ABCB1: variants seen among roughly 807,000 people sequenced by gnomAD.
ABCB1 encodes ATP binding cassette subfamily B member 1.
A neutral mutation model predicts 142.0 loss-of-function variants in ABCB1; 69 were observed. The observed-to-expected ratio is 0.49, with a 90% CI of 0.40 to 0.59. The LOEUF (loss-of-function observed/expected upper bound fraction) is 0.59, where lower values mean the gene tolerates loss of function less well. Ranked by LOEUF, ABCB1 falls within the 20% of genes least tolerant of loss-of-function variation. The pLI, the probability that ABCB1 is intolerant of heterozygous loss-of-function variation, is 0.00. For missense variants in ABCB1, 1,326 were observed against 1,554.7 expected, an observed-to-expected ratio of 0.85 and a Z score of 2.47; for synonymous variants, 532 against 539.2, an observed-to-expected ratio of 0.99 and a Z score of 0.18.
intron 3 of ABCB1, among the ~76,000 whole-genome samples, chr7:87,591,796 A>G (rs1819010263): frequency 6.6e-6 from 1 of 152,192 alleles, no homozygotes; most frequent in Non-Finnish European, 1.5e-5. Context: ...AGGAGTTTGC[A>G]TGAGAATAAA....
intron 19 of ABCB1, 148 bp downstream of exon 19, chr7:87,539,120 G>A (rs978662207): frequency 1.0e-4 from 83 of 816,966 alleles, no homozygotes; most frequent in African/African-American, 1.5e-4. Context: ...CCTAGTGGGC[G>A]GTTCAACCGC....
Position 87,509,292 on chromosome 7 carries a change from T to C in ABCB1, c.3472A>G (p.Ile1158Val). 1.2e-6 allele frequency: 2 copies of C among 1,614,202 alleles called. No individual in the cohort carries two copies. Among genetic ancestry groups the C allele is most frequent in the Admixed American group, 1.7e-5 (1 of 60,016 alleles). ...AGACTTACATTAGGCAGTGACTCGA[T>C]GAAGGCATGTATGTTGGCCTCCTTT... The part of the protein sequence containing the change: ...AAKEANIHAF[I>V]ESLPNKYSTK... Residue 1158 changes from isoleucine to valine, a missense_variant, in exon 26 of 28, where the codon ATC becomes GTC. By Grantham distance (29) the Ile-to-Val change is conservative. Transcript: ENST00000622132.
intron 1 of ABCB1, among the ~76,000 whole-genome samples, chr7:87,626,149 T>G (rs549974066): frequency 1.7e-5 from 2 of 118,532 alleles, no homozygotes. Context: ...GTCATATATA[T>G]TGTCATATAT....
At chr7:87,651,874 C>A (rs1823608100) in intron 1 of ABCB1, among the ~76,000 whole-genome samples, 1 of 152,076 alleles carries the variant, frequency 6.6e-6, no homozygotes, top group Non-Finnish European at 1.5e-5. Context: ...TATCCCTCTG[C>A]AATTTAAAAC....
intron 12 of ABCB1, 55 bp downstream of exon 12, chr7:87,550,116 A>G: frequency 1.2e-6 from 2 of 1,614,132 alleles, no homozygotes; most frequent in South Asian, 2.2e-5. Context: ...CATCAGAAAG[A>G]TGTGCAATGT....
At chr7:87,639,145 C>A (rs1233525399) in intron 1 of ABCB1, among the ~76,000 whole-genome samples, 2 of 104,488 alleles carry the variant, frequency 1.9e-5, no homozygotes, top group African/African-American at 7.9e-5. Context: ...CAGAGTGAGA[C>A]TCCGTCTCAA....
At chr7:87,650,289 A>C (rs1823446436) in intron 1 of ABCB1, among the ~76,000 whole-genome samples, 1 of 152,166 alleles carries the variant, frequency 6.6e-6, no homozygotes, top group Admixed American at 6.6e-5. Flanking sequence ...CTGCTTTAAC[A>C]AATTGTCTTA....
chr7:87,702,591 A>C (rs1829191087), intron 1 of ABCB1, among the ~76,000 whole-genome samples: 1 of 152,094 alleles, frequency 6.6e-6, no homozygotes, highest in South Asian at 2.1e-4. Context: ...ATTATTTTTG[A>C]ATTACCTAAT....
chr7:87,700,674 C>T (rs181228675), intron 1 of ABCB1: 12 of 869,584 alleles, frequency 1.4e-5, no homozygotes, highest in Middle Eastern at 2.7e-4. Context: ...TAATAAAATA[C>T]GTCCTGTTCT....
intron 25 of ABCB1, among the ~76,000 whole-genome samples, chr7:87,511,598 G>A (rs183496371): frequency 2.0e-5 from 3 of 152,298 alleles, no homozygotes; most frequent in African/African-American, 7.2e-5. Flanking sequence ...CACTTATAAG[G>A]TCACTGTGAT....
At chr7:87,584,093 A>T (rs941741429) in intron 4 of ABCB1, among the ~76,000 whole-genome samples, 7 of 152,298 alleles carry the variant, frequency 4.6e-5, no homozygotes, top group African/African-American at 1.7e-4. Flanking sequence ...AAAGGATGTA[A>T]TAAAGCATAA....
In ABCB1 at chr7:87,509,488, A is replaced by C. The variant is rs1184800290; in HGVS notation, c.3283-7T>G. 4.3e-6 allele frequency: 7 copies of C among 1,613,836 alleles called. No individual in the cohort carries two copies. Among genetic ancestry groups the C allele is most frequent in the Non-Finnish European group, 5.1e-6 (6 of 1,179,958 alleles). On this transcript the variant is annotated splice_polypyrimidine_tract_variant and splice_region_variant and intron_variant, in intron 25 of 27. Transcript: ENST00000622132. ...TTTCTTTGCCATCAAGCAGCTGAAA[A>C]CAAGAGTTCACAGATCAACTTCAGG... is the stretch of plus-strand genomic sequence containing the variant.
intron 1 of ABCB1, among the ~76,000 whole-genome samples, chr7:87,684,763 A>C (rs1827292017): frequency 6.6e-6 from 1 of 150,628 alleles, no homozygotes; most frequent in Non-Finnish European, 1.5e-5. Context: ...AAAAAAAAAA[A>C]AAAAAAAAAA....
intron 1 of ABCB1, among the ~76,000 whole-genome samples, chr7:87,614,238 A>C (rs2130067195): frequency 6.6e-6 from 1 of 152,176 alleles, no homozygotes; most frequent in South Asian, 2.1e-4. Flanking sequence ...TCTAAAGAAA[A>C]ATTAACAAAT....
intron 1 of ABCB1, among the ~76,000 whole-genome samples, chr7:87,621,130 T>A (rs1820208201): frequency 6.6e-6 from 1 of 152,186 alleles, no homozygotes; most frequent in South Asian, 2.1e-4. Flanking sequence ...CTATAGGCTT[T>A]TCTTGGTGAG....
intron 1 of ABCB1, among the ~76,000 whole-genome samples, chr7:87,645,502 T>C (rs1822910982): frequency 6.6e-6 from 1 of 152,202 alleles, no homozygotes. Flanking sequence ...TATAAGTCTC[T>C]TTTATATAAA....
At chr7:87,518,023 G>T (rs1584839123) in intron 23 of ABCB1, among the ~76,000 whole-genome samples, 1 of 152,252 alleles carries the variant, frequency 6.6e-6, no homozygotes, top group Non-Finnish European at 1.5e-5. Context: ...TCCTTTCACT[G>T]CCCTTCTCTA....
intron 27 of ABCB1, among the ~76,000 whole-genome samples, chr7:87,505,154 A>T (rs1814678235): frequency 6.6e-6 from 1 of 151,920 alleles, no homozygotes. Context: ...TGTAGAGACA[A>T]TGTCTCTCTG....
chr7:87,694,640 A>T (rs1468234647), intron 1 of ABCB1, among the ~76,000 whole-genome samples: 1 of 152,154 alleles, frequency 6.6e-6, no homozygotes, highest in Non-Finnish European at 1.5e-5. Flanking sequence ...GACACACATT[A>T]TACTTGATTT....
Sources: allele counts gnomAD v4.1 joint callset (sites outside exome capture counted in the v4.1 genomes callset), GRCh38; gene constraint gnomAD v4.1.1; transcripts MANE v1.5; gene names NCBI Gene and HGNC (gene_info 2026-07-23, HGNC 2026-07-21).